KCNB2: variants seen among roughly 807,000 people sequenced by gnomAD.
KCNB2 encodes delayed rectifier potassium channel protein.
A neutral mutation model predicts 61.5 loss-of-function variants in KCNB2; 15 were observed. The observed-to-expected ratio is 0.24, with a 90% CI of 0.16 to 0.38. KCNB2 has a LOEUF of 0.38. KCNB2 is among the 10% of genes least tolerant of loss of function. KCNB2 has a pLI of 1.00. For missense variants in KCNB2, 828 were observed against 1,125.2 expected, an observed-to-expected ratio of 0.74 and a Z score of 3.78; for synonymous variants, 457 against 446.0, an observed-to-expected ratio of 1.02 and a Z score of -0.31.
At chr8:72,731,245 C>A (rs139091311) in intron 2 of KCNB2, among the ~76,000 whole-genome samples, 2 of 152,308 alleles carry the variant, frequency 1.3e-5, no homozygotes, top group East Asian at 3.9e-4. Context: ...TGGCTACTCA[C>A]ATGTTTCACT....
At chr8:72,628,840 C>A (rs569387326) in intron 2 of KCNB2, among the ~76,000 whole-genome samples, 1 of 152,336 alleles carries the variant, frequency 6.6e-6, no homozygotes, top group East Asian at 1.9e-4. Flanking sequence ...GGCCTGGTGA[C>A]CATGCCAGCT....
At chr8:72,563,913 G>A (rs1200538912) in intron 1 of KCNB2, among the ~76,000 whole-genome samples, 1 of 152,138 alleles carries the variant, frequency 6.6e-6, no homozygotes, top group African/African-American at 2.4e-5. Flanking sequence ...TTTAACCATG[G>A]TAACAATAAT....
At chr8:72,561,770 TATATATGG>T (rs1364223940) in intron 1 of KCNB2, among the ~76,000 whole-genome samples, 3 of 31,192 alleles carry the variant, frequency 9.6e-5, no homozygotes, top group African/African-American at 4.8e-4. Flanking sequence ...TGGATATATA[TATATATGG>T]ATATATATAT....
At chr8:72,818,117 A>C (rs1325101672) in intron 2 of KCNB2, among the ~76,000 whole-genome samples, 1 of 152,174 alleles carries the variant, frequency 6.6e-6, no homozygotes, top group Non-Finnish European at 1.5e-5. Context: ...ACAAAATGGA[A>C]AAAAATCCTG....
chr8:72,626,971 C>T lies in KCNB2; in HGVS notation c.579+58658C>T, dbSNP rs141088602. Reference sequence around the variant, plus strand: ...TTTACATAACCAGGCTAACTGGGGGCTCTAAGGGCTATTGTTCTAAGTAGG... The same window carrying T: ...TTTACATAACCAGGCTAACTGGGGGTTCTAAGGGCTATTGTTCTAAGTAGG... On this transcript the variant is annotated intron_variant, in intron 2 of 2. Coordinates refer to ENST00000523207, the MANE Select transcript of KCNB2 (RefSeq NM_004770.3). Among the ~76,000 whole-genome samples, 30 of 152,270 alleles carry T rather than the reference C, an allele frequency of 2.0e-4. No individual in the cohort carries two copies. The East Asian group carries it at 3.9e-3, about 20-fold the overall frequency.
intron 2 of KCNB2, among the ~76,000 whole-genome samples, chr8:72,849,049 T>C (rs1202647857): frequency 6.7e-6 from 1 of 150,170 alleles, no homozygotes; most frequent in Non-Finnish European, 1.5e-5. Context: ...TAATATAGTA[T>C]TAATGTATTA....
chr8:72,622,766 T>A (rs1805732284), intron 2 of KCNB2, among the ~76,000 whole-genome samples: 1 of 152,200 alleles, frequency 6.6e-6, no homozygotes, highest in Non-Finnish European at 1.5e-5. Flanking sequence ...ATAACCTGTA[T>A]TCAGTAGAAT....
rs184924929 is a variant in KCNB2, at chr8:72,820,405, A to G, written c.580-115530A>G. 2.0e-5 allele frequency among the ~76,000 whole-genome samples: 3 copies of G among 152,302 alleles called. No individual in the cohort carries two copies. In the East Asian group the frequency reaches 5.8e-4, roughly 29 times the overall value. ...AATGAACTTTCCAATTAATTTGCAC[A>G]ATGAATTTCTCTAAGCATGCAGGGC... On this transcript the variant is annotated intron_variant, in intron 2 of 2. Transcript: ENST00000523207.
intron 2 of KCNB2, among the ~76,000 whole-genome samples, chr8:72,676,444 C>G (rs1191537484): frequency 6.6e-6 from 1 of 151,478 alleles, no homozygotes; most frequent in Non-Finnish European, 1.5e-5. Flanking sequence ...CTGATCTGCC[C>G]TCTCTGGTTC....
intron 2 of KCNB2, among the ~76,000 whole-genome samples, chr8:72,688,838 C>A (rs189585570): frequency 5.7e-4 from 87 of 152,228 alleles, no homozygotes; most frequent in African/African-American, 2.0e-3. Flanking sequence ...GCAGTCCTCC[C>A]ACCTCAGCCT....
Position 72,554,623 on chromosome 8 carries a change from C to A in KCNB2, c.-93-13019C>A, listed in dbSNP as rs1316627584. ...GCTACTGGCCCTGATGCTGAAAAGG[C>A]CCTGGGAAGATTGTTTAAATCTACC... On this transcript the variant is annotated intron_variant, in intron 1 of 2. Coordinates refer to ENST00000523207, the MANE Select transcript of KCNB2 (RefSeq NM_004770.3). Among the ~76,000 whole-genome samples, 3 of 152,082 alleles carry A rather than the reference C, an allele frequency of 2.0e-5. No homozygotes were observed. In the East Asian group the frequency reaches 5.8e-4, roughly 29 times the overall value.
intron 2 of KCNB2, among the ~76,000 whole-genome samples, chr8:72,632,981 A>C (rs1222023485): frequency 6.6e-6 from 1 of 152,202 alleles, no homozygotes; most frequent in Non-Finnish European, 1.5e-5. Flanking sequence ...TAGCAGCTTG[A>C]AACACCACAA....
chr8:72,742,572 C>T (rs1332380462), intron 2 of KCNB2, among the ~76,000 whole-genome samples: 1 of 152,198 alleles, frequency 6.6e-6, no homozygotes, highest in African/African-American at 2.4e-5. Context: ...TCCCTCATGC[C>T]AGCTATGGGC....
intron 2 of KCNB2, among the ~76,000 whole-genome samples, chr8:72,868,895 A>G (rs1014126747): frequency 6.6e-6 from 1 of 152,070 alleles, no homozygotes; most frequent in East Asian, 1.9e-4. Flanking sequence ...TATCACCACC[A>G]CCCATCACAA....
chr8:72,625,101 G>A (rs1805769857), intron 2 of KCNB2, among the ~76,000 whole-genome samples: 2 of 152,296 alleles, frequency 1.3e-5, no homozygotes, highest in South Asian at 2.1e-4. Flanking sequence ...ACACTAGCGG[G>A]AGACCCAGTG....
chr8:72,904,736 G>A (rs571361882), intron 2 of KCNB2, among the ~76,000 whole-genome samples: 22 of 151,562 alleles, frequency 1.5e-4, no homozygotes, highest in Non-Finnish European at 2.9e-4. Context: ...TTCTTCATTA[G>A]TGTTCCCATA....
intron 2 of KCNB2, among the ~76,000 whole-genome samples, chr8:72,737,952 G>T (rs1469617517): frequency 1.3e-5 from 2 of 152,088 alleles, no homozygotes; most frequent in Admixed American, 6.6e-5. Context: ...TTTTGGAAAT[G>T]GTGGCCCTAG....
At chr8:72,725,543 G>GTATATATATATGTA (rs1807623490) in intron 2 of KCNB2, among the ~76,000 whole-genome samples, 3 of 85,078 alleles carry the variant, frequency 3.5e-5, no homozygotes, top group South Asian at 8.0e-4. Flanking sequence ...ATATATATGT[G>GTATATATATATGTA]TGTATATATA....
chr8:72,887,312 C>A (rs1043052209), intron 2 of KCNB2, among the ~76,000 whole-genome samples: 9 of 152,144 alleles, frequency 5.9e-5, no homozygotes, highest in African/African-American at 2.2e-4. Context: ...TACTTAGTGA[C>A]CAACCTTCCA....
Sources: allele counts gnomAD v4.1 joint callset (sites outside exome capture counted in the v4.1 genomes callset), GRCh38; gene constraint gnomAD v4.1.1; transcripts MANE v1.5; gene names NCBI Gene and HGNC (gene_info 2026-07-23, HGNC 2026-07-21).